LOC128462377: variants seen among roughly 807,000 people sequenced by gnomAD.
chr16:89,349,861 AACACACACAC>A, the LOC128462377 span, among the ~76,000 whole-genome samples: 1,345 of 133,220 alleles, frequency 0.01, 16 homozygotes, highest in African/African-American at 0.03. Flanking sequence ...TACTTGTTAA[AACACACACAC>A]ACACACACAC....
chr16:89,360,668 T>C, the LOC128462377 span: 32 of 152,318 alleles, frequency 2.1e-4, no homozygotes, highest in Admixed American at 1.3e-3. Context: ...AGAACGTCGA[T>C]GGTCAACACT....
At chr16:89,416,452 C>T in the LOC128462377 span, among the ~76,000 whole-genome samples, 1 of 152,140 alleles carries the variant, frequency 6.6e-6, no homozygotes, top group African/African-American at 2.4e-5. Context: ...GCATTCGCCA[C>T]CACGTCCGGT....
chr16:89,354,539 G>C, the LOC128462377 span, among the ~76,000 whole-genome samples: 1 of 152,170 alleles, frequency 6.6e-6, no homozygotes, highest in East Asian at 1.9e-4. Context: ...GGCACTTCTA[G>C]GCTGGAATAC....
the LOC128462377 span, among the ~76,000 whole-genome samples, chr16:89,351,189 A>AGGC: frequency 2.0e-5 from 3 of 152,232 alleles, no homozygotes; most frequent in African/African-American, 7.2e-5. Flanking sequence ...AAAAGCAGAG[A>AGGC]GGCGGCGGCG....
chr16:89,390,720 G>A, the LOC128462377 span, among the ~76,000 whole-genome samples: 42 of 152,176 alleles, frequency 2.8e-4, no homozygotes, highest in Admixed American at 7.9e-4. Context: ...GCCAGCACCC[G>A]TAAGTCCTGC....
chr16:89,381,506 C>G, the LOC128462377 span, among the ~76,000 whole-genome samples: 1 of 152,042 alleles, frequency 6.6e-6, no homozygotes, highest in African/African-American at 2.4e-5. Flanking sequence ...CAATAAAAAG[C>G]AAAATGAGGG....
At chr16:89,380,756 C>T in the LOC128462377 span, among the ~76,000 whole-genome samples, 1 of 152,224 alleles carries the variant, frequency 6.6e-6, no homozygotes, top group South Asian at 2.1e-4. Context: ...AGCTGGAGGC[C>T]TCGTGGGGCA....
At chr16:89,386,987 G>A in the LOC128462377 span, among the ~76,000 whole-genome samples, 2 of 152,024 alleles carry the variant, frequency 1.3e-5, no homozygotes, top group African/African-American at 2.4e-5. Flanking sequence ...CACCCTGGGA[G>A]CCCTGTATCG....
At chr16:89,354,430 T>C in the LOC128462377 span, among the ~76,000 whole-genome samples, 2 of 152,136 alleles carry the variant, frequency 1.3e-5, no homozygotes, top group African/African-American at 2.4e-5. Flanking sequence ...TGAGGTCCAC[T>C]ATGCCAGCGC....
At chr16:89,389,681 G>A in the LOC128462377 span, among the ~76,000 whole-genome samples, 2 of 152,094 alleles carry the variant, frequency 1.3e-5, no homozygotes, top group Admixed American at 6.6e-5. Context: ...ACTCAAACAT[G>A]AGCAAAAACA....
the LOC128462377 span, among the ~76,000 whole-genome samples, chr16:89,413,072 G>A: frequency 6.6e-6 from 1 of 152,186 alleles, no homozygotes; most frequent in African/African-American, 2.4e-5. Context: ...TGGAGGGGGA[G>A]GGAGTAGGAG....
chr16:89,328,900 C>T, the LOC128462377 span: 2 of 112,790 alleles, frequency 1.8e-5, no homozygotes, highest in Non-Finnish European at 3.6e-5. Context: ...CCCAGGAGCA[C>T]GGGCGAAATC....
At chr16:89,325,469 T>TCA in the LOC128462377 span, among the ~76,000 whole-genome samples, 3,308 of 147,702 alleles carry the variant, frequency 0.022, 79 homozygotes, top group African/African-American at 0.054. Flanking sequence ...TCTCTCTCTC[T>TCA]CACACACACA....
At chr16:89,327,069 G>GAATGCAGACGTTGGA in the LOC128462377 span, among the ~76,000 whole-genome samples, 1 of 38,962 alleles carries the variant, frequency 2.6e-5, no homozygotes, top group Non-Finnish European at 5.6e-5. Flanking sequence ...CAGAGGTGGG[G>GAATGCAGACGTTGGA]AATGCAGAGG....
At chr16:89,416,138 A>T in the LOC128462377 span, among the ~76,000 whole-genome samples, 1 of 152,198 alleles carries the variant, frequency 6.6e-6, no homozygotes, top group Non-Finnish European at 1.5e-5. Flanking sequence ...GGCATGGTCA[A>T]AAATGCCAAC....
At chr16:89,395,385 G>C in the LOC128462377 span, among the ~76,000 whole-genome samples, 1 of 152,220 alleles carries the variant, frequency 6.6e-6, no homozygotes, top group Non-Finnish European at 1.5e-5. Context: ...TGCACTGCGG[G>C]GACATGGTCC....
chr16:89,317,980 C>T, the LOC128462377 span, among the ~76,000 whole-genome samples: 1 of 152,146 alleles, frequency 6.6e-6, no homozygotes, highest in South Asian at 2.1e-4. Flanking sequence ...CCCTACAGCA[C>T]AAAGCCTGCA....
the LOC128462377 span, among the ~76,000 whole-genome samples, chr16:89,391,136 G>C: frequency 1.3e-5 from 2 of 151,690 alleles, no homozygotes; most frequent in Admixed American, 6.6e-5. Context: ...GCTGAAGCAG[G>C]AGAATGGTGT....
chr16:89,374,408 T>G, the LOC128462377 span, among the ~76,000 whole-genome samples: 1 of 152,018 alleles, frequency 6.6e-6, no homozygotes, highest in African/African-American at 2.4e-5. Context: ...CTGTTCTACA[T>G]GGGCAGAGCT....
Sources: allele counts gnomAD v4.1 joint callset (sites outside exome capture counted in the v4.1 genomes callset), GRCh38; gene constraint gnomAD v4.1.1; transcripts MANE v1.5.